The following ASTN2 variants were observed in gnomAD, a reference collection of about 807,000 sequenced individuals.
ASTN2 encodes the protein astrotactin 2.
A neutral mutation model predicts 139.8 loss-of-function variants in ASTN2; 54 were observed. The observed-to-expected ratio is 0.39, with a 90% confidence interval of 0.31 to 0.48. The LOEUF (loss-of-function observed/expected upper bound fraction) is 0.48. ASTN2 is among the 20% of genes least tolerant of loss of function. The probability of loss-of-function intolerance (pLI) is 0.95; values close to 1 mark genes in which losing one functional copy is unlikely to be tolerated. For missense variants in ASTN2, 1,565 were observed against 1,725.1 expected (o/e 0.91, Z 1.64); for synonymous variants, 756 against 719.5 (o/e 1.05, Z -0.81).
intron 20 of ASTN2, among the ~76,000 whole-genome samples, chr9:116,462,835 C>A (rs1337047292): frequency 7.2e-6 from 1 of 138,698 alleles, no homozygotes; most frequent in Non-Finnish European, 1.5e-5. Flanking sequence ...TGTGTGTCTG[C>A]CCATATATAC....
At chr9:116,546,587 G>A (rs969512942) in intron 19 of ASTN2, 2 of 152,302 alleles carry the variant, frequency 1.3e-5, no homozygotes, top group Non-Finnish European at 1.5e-5. Context: ...AACTGCAGAA[G>A]AAAGGGACTT....
intron 13 of ASTN2, among the ~76,000 whole-genome samples, chr9:116,786,474 A>G (rs904222848): frequency 6.6e-6 from 1 of 151,906 alleles, no homozygotes; most frequent in East Asian, 1.9e-4. Context: ...TGAAGATACA[A>G]TAGTGTCTGG....
At chr9:117,043,907 C>CA (rs10713427) in intron 5 of ASTN2, among the ~76,000 whole-genome samples, 60,037 of 118,940 alleles carry the variant, frequency 0.5, 14,665 homozygotes, top group South Asian at 0.69. Flanking sequence ...GACTCTGTCT[C>CA]AAAAAAAAAA....
chr9:117,198,481 A>G (rs1301755435), intron 3 of ASTN2, among the ~76,000 whole-genome samples: 1 of 152,116 alleles, frequency 6.6e-6, no homozygotes, highest in African/African-American at 2.4e-5. Context: ...TTACATAGGT[A>G]TATATGTGCC....
Position 117,375,777 on chromosome 9 carries a change from G to A in ASTN2, c.442+38720C>T, listed in dbSNP as rs151112845. On this transcript the variant is annotated intron_variant, in intron 1 of 22. Coordinates refer to ENST00000313400, the MANE Select transcript of ASTN2 (RefSeq NM_001365068.1). ...AACAGTGCAAACAGTTTTGCAGGTC[G>A]GAAGTCCAAAGTGGGCTTTTGTGGG... Among the ~76,000 whole-genome samples, 288 of 152,216 alleles carry A rather than the reference G, an allele frequency of 1.9e-3. 1 individual carries two copies. Among genetic ancestry groups the A allele is most frequent in the African/African-American group, 6.1e-3 (254 of 41,534 alleles).
rs561625730 is a variant in ASTN2, at chr9:116,655,633, TTCAAGTGCCCATTCC to T, written c.2807-3855_2807-3841del. Among the ~76,000 whole-genome samples the T allele has an allele frequency of 7.2e-5, 11 of 152,312 alleles. No homozygotes were observed. The East Asian group carries it at 2.1e-3, about 29-fold the overall frequency. ...CTTCCACTCATCCCTCAGGTCTTAG[TTCAAGTGCCCATTCC>T]TCAGAAAAGCCTTCCCTGAATTCCT... is the stretch of plus-strand genomic sequence containing the variant. On this transcript the variant is annotated intron_variant, in intron 16 of 22. Coordinates refer to ENST00000313400, the MANE Select transcript of ASTN2 (RefSeq NM_001365068.1).
intron 7 of ASTN2, among the ~76,000 whole-genome samples, chr9:116,977,841 C>A (rs1376366676): frequency 6.6e-6 from 1 of 151,602 alleles, no homozygotes. Flanking sequence ...CTCAGCCTCC[C>A]GAGTAGCTGG....
At chr9:116,772,909 T>C (rs1829992134) in intron 13 of ASTN2, among the ~76,000 whole-genome samples, 1 of 152,162 alleles carries the variant, frequency 6.6e-6, no homozygotes, top group Non-Finnish European at 1.5e-5. Flanking sequence ...CCAAATGGCA[T>C]AGTCATTATT....
intron 13 of ASTN2, among the ~76,000 whole-genome samples, chr9:116,734,190 T>C (rs967776483): frequency 1.3e-5 from 2 of 152,050 alleles, no homozygotes; most frequent in Non-Finnish European, 2.9e-5. Flanking sequence ...GTCTTCTGAC[T>C]CCAGGTTAGT....
At chr9:116,479,449 G>A (rs1366187817) in intron 20 of ASTN2, among the ~76,000 whole-genome samples, 1 of 145,042 alleles carries the variant, frequency 6.9e-6, no homozygotes, top group Admixed American at 7.3e-5. Context: ...GGACAGGCCA[G>A]CAATGCTCCA....
chr9:117,262,927 T>C (rs1833859347), intron 2 of ASTN2, among the ~76,000 whole-genome samples: 1 of 152,160 alleles, frequency 6.6e-6, no homozygotes, highest in Admixed American at 6.5e-5. Flanking sequence ...TATGAGTGGC[T>C]TCCAGAAGCT....
chr9:116,437,482 T>TA, intron 22 of ASTN2: 2 of 471,298 alleles, frequency 4.2e-6, no homozygotes, highest in South Asian at 3.1e-5. Context: ...GACTAGGGGT[T>TA]AGCGGGTTAT....
rs756533396 is a variant in ASTN2 at position 116,820,738 on chromosome 9, C to T, written c.2086G>A (p.Asp696Asn). The T allele has an allele frequency of 3.5e-5, 56 of 1,613,992 alleles. No homozygotes were observed. Among genetic ancestry groups the T allele is most frequent in the South Asian group, 6.6e-5 (6 of 91,060 alleles). Residue 696 changes from aspartate (D) to asparagine (N), a missense_variant, in exon 12 of 23, where the codon GAC (aspartate) becomes AAC (asparagine). Physicochemically the swap from Asp to Asn is conservative, Grantham distance 23. This residue lies in a region of ASTN2 where 503 missense variants were observed against 591.7 expected (regional missense o/e 0.85). Coordinates refer to ENST00000313400, the MANE Select transcript of ASTN2 (RefSeq NM_001365068.1). Reference protein sequence around the residue: ...KPMKDGSGCYDHSKGIDCSDG... With the variant: ...KPMKDGSGCYNHSKGIDCSDG... ...GAGCAGTCAATGCCTTTGGAGTGGTCGTAGCAGCCAGAGCCATCCTTCATG... is the reference window on the plus strand; with the variant it reads ...GAGCAGTCAATGCCTTTGGAGTGGTTGTAGCAGCCAGAGCCATCCTTCATG...
chr9:116,528,566 A>G (rs1461707574), intron 19 of ASTN2, among the ~76,000 whole-genome samples: 4 of 152,242 alleles, frequency 2.6e-5, no homozygotes, highest in Non-Finnish European at 5.9e-5. Flanking sequence ...TCAAGCCATC[A>G]GCTGCAAAAA....
At chr9:117,154,619 A>C (rs975406844) in intron 3 of ASTN2, among the ~76,000 whole-genome samples, 1 of 152,118 alleles carries the variant, frequency 6.6e-6, no homozygotes, top group Non-Finnish European at 1.5e-5. Context: ...AGTAAACCCT[A>C]GTTACAAATT....
In ASTN2 at chr9:116,620,308, A is replaced by G; in HGVS notation, c.3206+2T>C. On this transcript the variant is annotated splice_donor_variant, in intron 18 of 22. Coordinates refer to ENST00000313400, the MANE Select transcript of ASTN2 (RefSeq NM_001365068.1). LOFTEE classifies it high-confidence loss of function. ...AAAGGAAAAGGGGCCATACATACGT[A>G]CACCGGCTGCAGAAGGGGGCTGCAG... is the stretch of plus-strand genomic sequence containing the variant. The G allele has an allele frequency of 6.2e-7, 1 of 1,614,128 alleles. No homozygotes were observed. The highest frequency in any genetic ancestry group is 8.5e-7 in the Non-Finnish European group (1 of 1,180,012).
At chr9:116,703,101 TAA>T (rs952908039) in intron 16 of ASTN2, among the ~76,000 whole-genome samples, 4 of 151,710 alleles carry the variant, frequency 2.6e-5, no homozygotes, top group African/African-American at 4.8e-5. Context: ...ACCAACAGTG[TAA>T]AAGTGTTCCT....
At chr9:117,302,614 C>T (rs1834904540) in intron 1 of ASTN2, among the ~76,000 whole-genome samples, 1 of 152,132 alleles carries the variant, frequency 6.6e-6, no homozygotes, top group African/African-American at 2.4e-5. Flanking sequence ...AACCCCCACA[C>T]CCCAACCCAG....
At position 116,434,478 on chromosome 9, in the gene ASTN2, C is replaced by T. The variant is rs1262405295; in HGVS notation, c.3782+6131G>A. ...GTAACTCTTTTCAAATCCCATGGCA[C>T]GTTGAGAAAGATCCTGTGATGATTT... On this transcript the variant is annotated intron_variant, in intron 22 of 22. Coordinates refer to ENST00000313400, the MANE Select transcript of ASTN2 (RefSeq NM_001365068.1). 3.9e-5 allele frequency among the ~76,000 whole-genome samples: 6 copies of T among 152,130 alleles called. 1 individual carries two copies. Among genetic ancestry groups the T allele is most frequent in the African/African-American group, 4.8e-5 (2 of 41,418 alleles).
Sources: gnomAD v4.1 joint callset for allele counts (sites outside exome capture counted in the v4.1 genomes callset) on GRCh38, gnomAD v4.1.1 for gene constraint, gnomAD v4.1.1 regional missense constraint, MANE v1.5 for transcripts, NCBI Gene and HGNC (gene_info 2026-07-23, HGNC 2026-07-21) for gene names.